Variants in FSD1L observed in about 807,000 individuals in gnomAD.
The protein encoded by FSD1L is fibronectin type III and SPRY domain containing 1 like.
In FSD1L, 45 loss-of-function variants were observed where a neutral mutation model predicts 71.6. The observed-to-expected ratio is 0.63, with a 90% confidence interval of 0.49 to 0.81. The LOEUF is 0.81. FSD1L is among the 30% of genes least tolerant of loss of function. FSD1L has a pLI of 0.00. For missense variants in FSD1L, 561 were observed against 618.1 expected, an observed-to-expected ratio of 0.91 and a Z score of 0.98; for synonymous variants, 197 against 207.2, an observed-to-expected ratio of 0.95 and a Z score of 0.42.
intron 7 of FSD1L, among the ~76,000 whole-genome samples, chr9:105,499,338 G>A (rs868672232): frequency 1.4e-4 from 22 of 152,176 alleles, no homozygotes; most frequent in Admixed American, 5.2e-4. Flanking sequence ...GGTTAGATCA[G>A]TCAAGAATAA....
At chr9:105,463,411 A>G (rs1316737987) in intron 2 of FSD1L, among the ~76,000 whole-genome samples, 2 of 152,200 alleles carry the variant, frequency 1.3e-5, no homozygotes, top group African/African-American at 4.8e-5. Flanking sequence ...GTTGCTACCA[A>G]TGAGGAGTTA....
At chr9:105,445,485 T>G (rs553053996), upstream of FSD1L, among the ~76,000 whole-genome samples, 22 of 152,204 alleles carry the variant, frequency 1.4e-4, no homozygotes, top group Admixed American at 1.0e-3. Flanking sequence ...AGCCTCTTTC[T>G]TCTTTCTCTG....
At chr9:105,495,052 T>G (rs1026376115) in intron 7 of FSD1L, among the ~76,000 whole-genome samples, 1 of 152,170 alleles carries the variant, frequency 6.6e-6, no homozygotes, top group Non-Finnish European at 1.5e-5. Flanking sequence ...GACATTGAAG[T>G]CTGCAGAGGT....
chr9:105,494,575 C>A (rs1258005128), intron 7 of FSD1L, among the ~76,000 whole-genome samples: 1 of 152,184 alleles, frequency 6.6e-6, no homozygotes, highest in Non-Finnish European at 1.5e-5. Flanking sequence ...AGGAGAGGCG[C>A]TCTGGTTTTT....
intron 3 of FSD1L, among the ~76,000 whole-genome samples, chr9:105,466,582 A>G (rs1381592175): frequency 6.6e-6 from 1 of 152,110 alleles, no homozygotes; most frequent in Non-Finnish European, 1.5e-5. Context: ...AATCCCAGCT[A>G]GTTGGGAGGC....
At chr9:105,467,301 C>G (rs950498030) in intron 3 of FSD1L, among the ~76,000 whole-genome samples, 1 of 152,102 alleles carries the variant, frequency 6.6e-6, no homozygotes, top group Non-Finnish European at 1.5e-5. Flanking sequence ...TATATTAGTT[C>G]TCTTAGTCAG....
At chr9:105,498,180 T>C (rs1000867718) in intron 7 of FSD1L, among the ~76,000 whole-genome samples, 11 of 136,968 alleles carry the variant, frequency 8.0e-5, no homozygotes, top group African/African-American at 3.1e-4. Context: ...TCTTTTCTGC[T>C]TGCTTTGGCT....
Position 105,493,401 on chromosome 9 carries a change from C to T in FSD1L, c.586+8899C>T, listed in dbSNP as rs868812670. Among the ~76,000 whole-genome samples the T allele has an allele frequency of 8.0e-3, 1,220 of 151,826 alleles. 11 individuals carry two copies. Among genetic ancestry groups the T allele is most frequent in the Middle Eastern group, 0.02 (6 of 294 alleles). On this transcript the variant is annotated intron_variant, in intron 7 of 13. Coordinates refer to ENST00000481272, the MANE Select transcript of FSD1L (RefSeq NM_001145313.3). ...TTTTGAGCCTATGTGTGTCTCTGCA[C>T]GTGAGATGGGTTTCCTGAATACAGC...
At chr9:105,520,785 C>T in intron 10 of FSD1L, 2 of 1,612,602 alleles carry the variant, frequency 1.2e-6, no homozygotes, top group Middle Eastern at 4.1e-4. Context: ...TAATCCTCCA[C>T]TCAACCTTTA....
upstream of FSD1L, among the ~76,000 whole-genome samples, chr9:105,444,001 C>A (rs976484559): frequency 1.3e-5 from 2 of 152,008 alleles, no homozygotes; most frequent in African/African-American, 4.8e-5. Flanking sequence ...AGACTCAGGC[C>A]AGATATAGTA....
chr9:105,525,626 T>G (rs1835459866), intron 10 of FSD1L: 54 of 1,612,402 alleles, frequency 3.3e-5, no homozygotes, highest in Non-Finnish European at 4.4e-5. Flanking sequence ...GAAAAGCTAC[T>G]TAGAGAACTT....
At chr9:105,524,955 T>C in intron 10 of FSD1L, 3 of 1,613,714 alleles carry the variant, frequency 1.9e-6, no homozygotes, top group Non-Finnish European at 2.5e-6. Context: ...ACAACCTTAG[T>C]GTCCTGTATC....
intron 10 of FSD1L, chr9:105,523,936 A>G (rs539804856): frequency 4.0e-5 from 64 of 1,591,756 alleles, no homozygotes; most frequent in African/African-American, 3.0e-4. Flanking sequence ...GCTTTTCTCA[A>G]TGCACCAAGA....
chr9:105,476,235 A>G (rs1831792090), intron 5 of FSD1L, among the ~76,000 whole-genome samples: 1 of 152,162 alleles, frequency 6.6e-6, no homozygotes, highest in Non-Finnish European at 1.5e-5. Context: ...TACTCGTATT[A>G]CAGTTTCTCT....
chr9:105,490,771 C>T (rs28791789), intron 7 of FSD1L, among the ~76,000 whole-genome samples: 11,009 of 106,412 alleles, frequency 0.1, 410 homozygotes, highest in East Asian at 0.38. Context: ...GAATCCTTTC[C>T]CCATTTCTTG....
upstream of FSD1L, among the ~76,000 whole-genome samples, chr9:105,443,368 G>C (rs766246505): frequency 1.3e-5 from 2 of 151,506 alleles, no homozygotes; most frequent in Non-Finnish European, 2.9e-5. Context: ...AAAACCATCA[G>C]CTCTCGTGAG....
intron 13 of FSD1L, 51 bp downstream of exon 13, chr9:105,539,402 C>A: frequency 1.2e-6 from 1 of 805,910 alleles, no homozygotes. Context: ...ACTTGGTTGG[C>A]AACTTTAAGG....
intron 10 of FSD1L, among the ~76,000 whole-genome samples, chr9:105,530,296 G>A (rs1169393259): frequency 6.6e-6 from 1 of 152,128 alleles, no homozygotes; most frequent in African/African-American, 2.4e-5. Flanking sequence ...TAGGGAAGTG[G>A]GGTGAGGGAG....
Position 105,535,182 on chromosome 9 carries a change from A to C in FSD1L, c.1242A>C (p.Gly414=). 2 of 1,552,074 alleles carry C rather than the reference A, an allele frequency of 1.3e-6. No homozygotes were observed. The highest frequency in any genetic ancestry group is 2.4e-5 in the South Asian group (2 of 84,060). The change falls in exon 12 of 14, where the codon GGA becomes GGC. Residue 414 remains glycine (G), a synonymous_variant. Transcript: ENST00000481272. ...YKTLGKFDQL[G]KTNTSWCIHV... ...CGTTGGGGAAATTTGACCAATTGGG[A>C]AAGACAAACACTAGTTGGTGTATCC...
Sources: gnomAD v4.1 joint callset for allele counts (sites outside exome capture counted in the v4.1 genomes callset) on GRCh38, gnomAD v4.1.1 for gene constraint, MANE v1.5 for transcripts, NCBI Gene and HGNC (gene_info 2026-07-23, HGNC 2026-07-21) for gene names.